Variants in PVT1 observed in about 807,000 individuals in gnomAD.
PVT1 encodes CXCR4/PVT1 fusion.
At chr8:128,051,597 TG>T (rs1437647334) in intron 4 of PVT1, among the ~76,000 whole-genome samples, 1 of 152,200 alleles carries the variant, frequency 6.6e-6, no homozygotes, top group African/African-American at 2.4e-5. Context: ...GTTCACTTGA[TG>T]GTGTCCCATA....
intron 4 of PVT1, among the ~76,000 whole-genome samples, chr8:128,017,657 A>C (rs1420885537): frequency 6.6e-6 from 1 of 151,584 alleles, no homozygotes; most frequent in African/African-American, 2.4e-5. Flanking sequence ...GGCTGGTCTC[A>C]AACTCCTGGG....
chr8:127,972,859 A>T (rs1296046976), intron 3 of PVT1, among the ~76,000 whole-genome samples: 1 of 152,192 alleles, frequency 6.6e-6, no homozygotes, highest in Non-Finnish European at 1.5e-5. Flanking sequence ...CTCCCAGGTG[A>T]TCCTAATGTC....
chr8:127,962,540 C>T (rs1338795508), intron 3 of PVT1, among the ~76,000 whole-genome samples: 1 of 152,144 alleles, frequency 6.6e-6, no homozygotes, highest in Non-Finnish European at 1.5e-5. Context: ...CCTCTTAAGG[C>T]CTAGGGCCTG....
chr8:127,799,933 A>G (rs1375683692), intron 2 of PVT1, among the ~76,000 whole-genome samples: 2 of 152,222 alleles, frequency 1.3e-5, no homozygotes, highest in Non-Finnish European at 2.9e-5. Context: ...TGTAAGTTAG[A>G]AACAGATGAG....
At chr8:127,817,574 T>TA (rs1814681154) in intron 2 of PVT1, among the ~76,000 whole-genome samples, 1 of 140,934 alleles carries the variant, frequency 7.1e-6, no homozygotes. Context: ...TATATATATA[T>TA]TTCCCTAAGG....
intron 2 of PVT1, among the ~76,000 whole-genome samples, chr8:127,853,408 A>G (rs577493132): frequency 1.4e-4 from 22 of 152,252 alleles, no homozygotes; most frequent in African/African-American, 4.1e-4. Flanking sequence ...AGCTCAGTCC[A>G]GTTGAGGCAG....
rs185563016 is a variant in PVT1 at position 127,889,540 on chromosome 8, A to G, written n.373-1049A>G. 1.6e-3 allele frequency among the ~76,000 whole-genome samples: 242 copies of G among 152,042 alleles called. 3 individuals are homozygous for G. The highest frequency in any genetic ancestry group is 1.1e-3 in the Non-Finnish European group (77 of 68,004). On this transcript the variant is annotated intron_variant and non_coding_transcript_variant, in intron 2 of 10. Coordinates refer to ENST00000651587, the Ensembl canonical transcript of PVT1. ...TTTCTCATCTCTAAAGTCGGTTAAC[A>G]ATAATCTACAACTCATAGTTTTTTG...
At chr8:127,826,787 G>A (rs1467784606) in intron 2 of PVT1, among the ~76,000 whole-genome samples, 1 of 152,098 alleles carries the variant, frequency 6.6e-6, no homozygotes, top group Non-Finnish European at 1.5e-5. Context: ...TTTACCATGT[G>A]TATCTTTTAG....
intron 2 of PVT1, among the ~76,000 whole-genome samples, chr8:127,835,350 A>G (rs750385404): frequency 9.9e-5 from 15 of 152,028 alleles, no homozygotes; most frequent in South Asian, 2.1e-4. Context: ...ACAGGAACGA[A>G]AAACCAAACA....
chr8:127,828,088 G>A (rs35701297), intron 2 of PVT1, among the ~76,000 whole-genome samples: 4,798 of 152,274 alleles, frequency 0.032, 100 homozygotes, highest in Admixed American at 0.036. Flanking sequence ...GGTGGGCAGG[G>A]TGTGTATCTT....
chr8:127,842,155 A>G (rs1251746806), intron 2 of PVT1, among the ~76,000 whole-genome samples: 2 of 151,464 alleles, frequency 1.3e-5, no homozygotes, highest in Admixed American at 6.6e-5. Context: ...TTTTGAATCC[A>G]TGGATTTAAT....
Position 127,839,562 on chromosome 8 carries a change from TAAAAAAAAAATG to T in PVT1, n.372+43503_372+43514del, listed in dbSNP as rs1167169242. ...GAGATCCTATCTCAAAAATAAAAAA[TAAAAAAAAAATG>T]AAAAAAAAAATAAAAAAAAATAAAT... On this transcript the variant is annotated intron_variant and non_coding_transcript_variant, in intron 2 of 10. Coordinates refer to ENST00000651587, the Ensembl canonical transcript of PVT1. 9.6e-4 allele frequency among the ~76,000 whole-genome samples: 67 copies of T among 69,788 alleles called. 2 individuals carry two copies. Among genetic ancestry groups the T allele is most frequent in the Admixed American group, 8.5e-3 (60 of 7,072 alleles). The allele number at this position is 69,788 out of a possible 152,430, so 45.8% of individuals were successfully genotyped here. A position where few individuals can be genotyped will look rare whatever the true frequency, so the allele number is the denominator to read the frequency against.
intron 3 of PVT1, among the ~76,000 whole-genome samples, chr8:127,913,205 T>C (rs1439760343): frequency 6.6e-6 from 1 of 152,252 alleles, no homozygotes; most frequent in Non-Finnish European, 1.5e-5. Flanking sequence ...AGAGCCTTTC[T>C]GTCCAGGTGT....
rs779120158 is a variant in PVT1 at position 128,049,136 on chromosome 8, C to T, written n.913-21024C>T. The T allele has an allele frequency of 1.3e-5, 7 of 525,160 alleles. 1 individual carries two copies. Among genetic ancestry groups the T allele is most frequent in the Admixed American group, 4.1e-5 (2 of 49,296 alleles). 32.5% of individuals were successfully genotyped at this position (525,160 alleles called of 1,614,324 possible). A position where few individuals can be genotyped will look rare whatever the true frequency, so the allele number is the denominator to read the frequency against. The stretch of plus-strand genomic sequence containing the variant: ...ATAGGAGCCCTTTCTTTTTCCTGGC[C>T]GCCAGGCCTCCATGTGCAGGGCTGG... On this transcript the variant is annotated intron_variant and non_coding_transcript_variant, in intron 4 of 10. Coordinates refer to ENST00000651587, the Ensembl canonical transcript of PVT1.
chr8:127,947,408 G>A (rs904381473), intron 3 of PVT1: 4 of 246,840 alleles, frequency 1.6e-5, no homozygotes, highest in South Asian at 1.1e-4. Context: ...CGAACAAGCC[G>A]TTGAAAGTCC....
chr8:128,051,313 G>A (rs1215886935), intron 4 of PVT1, among the ~76,000 whole-genome samples: 1 of 152,180 alleles, frequency 6.6e-6, no homozygotes, highest in Non-Finnish European at 1.5e-5. Flanking sequence ...CTGGGGACTG[G>A]GGGAAGTTCT....
chr8:127,871,208 G>A (rs550991805), intron 2 of PVT1, among the ~76,000 whole-genome samples: 1 of 152,364 alleles, frequency 6.6e-6, no homozygotes, highest in East Asian at 1.9e-4. Flanking sequence ...GAGGGGCTGT[G>A]TGGGACAGGG....
At chr8:127,795,908 A>G (rs1313954118) in exon 2 of PVT1, 1 of 170,444 alleles carries the variant, frequency 5.9e-6, no homozygotes, top group Non-Finnish European at 1.5e-5. Flanking sequence ...TATTAGGAGA[A>G]AAACCTTCCC....
chr8:127,956,730 A>G (rs1313884834), intron 3 of PVT1, among the ~76,000 whole-genome samples: 3 of 152,166 alleles, frequency 2.0e-5, no homozygotes, highest in Non-Finnish European at 4.4e-5. Context: ...TGATCCGCCT[A>G]CCTTGGCCTC....
Sources: allele counts gnomAD v4.1 joint callset (sites outside exome capture counted in the v4.1 genomes callset), GRCh38; gene constraint gnomAD v4.1.1; transcripts MANE v1.5; gene names NCBI Gene and HGNC (gene_info 2026-07-23, HGNC 2026-07-21).